The following RAB3C variants were observed in gnomAD, a reference collection of about 807,000 sequenced individuals.
The protein encoded by RAB3C is RAB3C, member RAS oncogene family, also known as ras-related protein Rab-3C.
A neutral mutation model predicts 26.4 loss-of-function variants in RAB3C; 17 were observed. That is an observed-to-expected ratio of 0.64 (90% CI 0.44 to 0.97). The LOEUF is 0.97. Among genes scored for constraint, RAB3C ranks in the 50% least tolerant of loss-of-function variants. The probability of loss-of-function intolerance (pLI) is 0.00; values close to 1 mark genes in which losing one functional copy is unlikely to be tolerated. For synonymous variants in RAB3C, 91 were observed against 95.9 expected, an observed-to-expected ratio of 0.95 and a Z score of 0.30; for missense variants, 242 against 281.9, an observed-to-expected ratio of 0.86 and a Z score of 1.01.
chr5:58,698,759 T>G (rs1213467778), intron 2 of RAB3C, among the ~76,000 whole-genome samples: 1 of 152,182 alleles, frequency 6.6e-6, no homozygotes, highest in Non-Finnish European at 1.5e-5. Context: ...TCTCATGCCA[T>G]GGTTTTCAGC....
Position 58,854,612 on chromosome 5 carries a change from T to G in RAB3C, c.*3261T>G, listed in dbSNP as rs949295652. The G allele has an allele frequency of 4.6e-5, 7 of 152,218 alleles. No homozygotes were observed. The highest frequency in any genetic ancestry group is 1.7e-4 in the African/African-American group (7 of 41,458). The allele number at this position is 152,218 out of a possible 1,614,324, so 9.4% of individuals were successfully genotyped here. A position where few individuals can be genotyped will look rare whatever the true frequency, so the allele number is the denominator to read the frequency against. On this transcript the variant is annotated 3_prime_UTR_variant, in exon 5 of 5. Coordinates refer to ENST00000282878, the MANE Select transcript of RAB3C (RefSeq NM_138453.4). ...CCCCAGTGAACAGCTCCAACTGCCT[T>G]GATGAACTTCTAATGACTGTGAAAG...
chr5:58,693,014 G>A (rs1748602072), intron 2 of RAB3C, among the ~76,000 whole-genome samples: 1 of 151,794 alleles, frequency 6.6e-6, no homozygotes, highest in South Asian at 2.1e-4. Flanking sequence ...GGCTGAGGCA[G>A]GAGAATCGCT....
At chr5:58,615,221 C>T (rs889147844) in intron 1 of RAB3C, among the ~76,000 whole-genome samples, 2 of 152,046 alleles carry the variant, frequency 1.3e-5, no homozygotes, top group African/African-American at 4.8e-5. Context: ...TGAATGCCAC[C>T]GTAGGGTTAT....
intron 2 of RAB3C, among the ~76,000 whole-genome samples, chr5:58,669,699 G>A (rs900431515): frequency 1.3e-5 from 2 of 152,154 alleles, no homozygotes; most frequent in Non-Finnish European, 2.9e-5. Context: ...CTGTAAAACA[G>A]ATCTAACAAT....
chr5:58,784,373 T>TCC (rs1356562521), intron 3 of RAB3C, among the ~76,000 whole-genome samples: 1 of 152,082 alleles, frequency 6.6e-6, no homozygotes, highest in Non-Finnish European at 1.5e-5. Context: ...AAGTCAGAAC[T>TCC]CCCCTTTGTA....
intron 4 of RAB3C, among the ~76,000 whole-genome samples, chr5:58,839,237 C>T (rs1358260535): frequency 6.6e-6 from 1 of 151,500 alleles, no homozygotes; most frequent in Non-Finnish European, 1.5e-5. Context: ...AGGAATTACT[C>T]CTGTCATTTT....
chr5:58,781,511 T>C (rs1742270107), intron 3 of RAB3C, among the ~76,000 whole-genome samples: 1 of 152,058 alleles, frequency 6.6e-6, no homozygotes, highest in African/African-American at 2.4e-5. Flanking sequence ...AGGGAACAAG[T>C]TAATTTATTA....
intron 4 of RAB3C, among the ~76,000 whole-genome samples, chr5:58,846,157 A>G (rs1345140369): frequency 5.9e-5 from 9 of 152,150 alleles, no homozygotes; most frequent in Non-Finnish European, 7.4e-5. Flanking sequence ...TTGTTTATGT[A>G]TAACACATTT....
At chr5:58,746,025 G>C (rs1038907861) in intron 3 of RAB3C, among the ~76,000 whole-genome samples, 1 of 152,144 alleles carries the variant, frequency 6.6e-6, no homozygotes, top group African/African-American at 2.4e-5. Context: ...TTAGCTGACT[G>C]CTTTGATACT....
At chr5:58,797,379 AT>A (rs1216695164) in intron 3 of RAB3C, among the ~76,000 whole-genome samples, 1 of 130,398 alleles carries the variant, frequency 7.7e-6, no homozygotes, top group African/African-American at 3.0e-5. Context: ...ATATATATAT[AT>A]ATATATATAT....
chr5:58,673,154 A>G (rs1200920489), intron 2 of RAB3C, among the ~76,000 whole-genome samples: 1 of 152,150 alleles, frequency 6.6e-6, no homozygotes, highest in African/African-American at 2.4e-5. Context: ...GCTCTGCATG[A>G]AGAAACCTAT....
At chr5:58,741,238 A>C (rs1741268284) in intron 3 of RAB3C, among the ~76,000 whole-genome samples, 1 of 152,224 alleles carries the variant, frequency 6.6e-6, no homozygotes, top group Non-Finnish European at 1.5e-5. Context: ...ATTGACAACG[A>C]GGGAAGTTTC....
intron 2 of RAB3C, among the ~76,000 whole-genome samples, chr5:58,665,795 T>A (rs1486739010): frequency 1.3e-5 from 2 of 152,176 alleles, no homozygotes; most frequent in South Asian, 4.1e-4. Flanking sequence ...TACATGTATT[T>A]TAGAACAAAG....
intron 2 of RAB3C, among the ~76,000 whole-genome samples, chr5:58,629,688 A>C (rs1053409833): frequency 3.3e-5 from 5 of 152,148 alleles, no homozygotes; most frequent in Non-Finnish European, 7.4e-5. Flanking sequence ...GGCTGTTAGC[A>C]TGGGGAAACT....
At position 58,639,396 on chromosome 5, in the gene RAB3C, T is replaced by C. The variant is rs78967325; in HGVS notation, c.252+21526T>C. On this transcript the variant is annotated intron_variant, in intron 2 of 4. Coordinates refer to ENST00000282878, the MANE Select transcript of RAB3C (RefSeq NM_138453.4). ...AACAAGTTGCTCAAACAACAAAAAT[T>C]ATTTTCTCACAGTTCTGAAGGCTGG... Among the ~76,000 whole-genome samples, 1,056 of 152,218 alleles carry C rather than the reference T, an allele frequency of 6.9e-3. 21 individuals carry two copies. The highest frequency in any genetic ancestry group is 0.024 in the African/African-American group (987 of 41,528).
At chr5:58,817,960 G>C (rs1743252623) in intron 3 of RAB3C, among the ~76,000 whole-genome samples, 1 of 152,228 alleles carries the variant, frequency 6.6e-6, no homozygotes, top group African/African-American at 2.4e-5. Flanking sequence ...GGATGCAGTA[G>C]AGCAATATTA....
At chr5:58,849,889 C>A (rs55948566) in intron 4 of RAB3C, among the ~76,000 whole-genome samples, 1 of 152,162 alleles carries the variant, frequency 6.6e-6, no homozygotes, top group Non-Finnish European at 1.5e-5. Context: ...TTAATCTGTT[C>A]TTTTTCCTTT....
chr5:58,585,617 G>A (rs1745994015), intron 1 of RAB3C, among the ~76,000 whole-genome samples: 1 of 151,828 alleles, frequency 6.6e-6, no homozygotes, highest in Admixed American at 6.6e-5. Context: ...TTTACTTCTT[G>A]TATTTTCTTA....
At chr5:58,728,703 A>C (rs1041603500) in intron 3 of RAB3C, among the ~76,000 whole-genome samples, 1 of 152,056 alleles carries the variant, frequency 6.6e-6, no homozygotes, top group Non-Finnish European at 1.5e-5. Flanking sequence ...CTCCCGTGAG[A>C]TACACGGGCA....
Sources: gnomAD v4.1 joint callset for allele counts (sites outside exome capture counted in the v4.1 genomes callset) on GRCh38, gnomAD v4.1.1 for gene constraint, MANE v1.5 for transcripts, NCBI Gene and HGNC (gene_info 2026-07-23, HGNC 2026-07-21) for gene names.